Variants in PRKCD observed in about 807,000 individuals in gnomAD.
The protein encoded by PRKCD is protein kinase C delta.
PRKCD carries 20 observed loss-of-function variants against 82.2 expected under a neutral mutation model. That is an observed-to-expected ratio of 0.24 (90% CI 0.17 to 0.35). The LOEUF (loss-of-function observed/expected upper bound fraction) is 0.35. PRKCD is among the 10% of genes least tolerant of loss of function. The probability of loss-of-function intolerance (pLI) is 1.00; values close to 1 mark genes in which losing one functional copy is unlikely to be tolerated. For missense variants in PRKCD, 607 were observed against 899.0 expected, an observed-to-expected ratio of 0.68 and a Z score of 4.15; for synonymous variants, 317 against 337.0, an observed-to-expected ratio of 0.94 and a Z score of 0.65.
At chr3:53,163,380 T>G (rs1216587152) in intron 1 of PRKCD, among the ~76,000 whole-genome samples, 2 of 149,504 alleles carry the variant, frequency 1.3e-5, no homozygotes, top group Non-Finnish European at 3.0e-5. Context: ...AGTGTGGGGG[T>G]GTGTGTGTGA....
At chr3:53,162,008 C>G (rs1474988200) in intron 1 of PRKCD, among the ~76,000 whole-genome samples, 1 of 151,880 alleles carries the variant, frequency 6.6e-6, no homozygotes, top group African/African-American at 2.4e-5. Flanking sequence ...GCCTCGCCTC[C>G]CGCCCCTGGG....
In PRKCD at chr3:53,178,500, C is replaced by T. The variant is rs1703300102; in HGVS notation, c.78C>T (p.Pro26=). Residue 26 remains proline, a synonymous_variant, in exon 3 of 19, where the codon CCC becomes CCT. Coordinates refer to ENST00000330452, the MANE Select transcript of PRKCD (RefSeq NM_006254.4). The part of the protein sequence containing the change: ...SLQAEDEANQ[P]FCAVKMKEAL... Reference sequence around the variant, plus strand: ...AGGCCGAGGACGAGGCGAACCAGCCCTTCTGTGCCGTGAAGATGAAGGAGG... The same window carrying T: ...AGGCCGAGGACGAGGCGAACCAGCCTTTCTGTGCCGTGAAGATGAAGGAGG... 1 of 1,613,196 alleles carries T rather than the reference C, an allele frequency of 6.2e-7. No homozygotes were observed. The highest frequency in any genetic ancestry group is 1.3e-5 in the African/African-American group (1 of 74,934).
Position 53,181,449 on chromosome 3 carries a change from A to C in PRKCD, c.382A>C (p.Lys128Gln), listed in dbSNP as rs1553667483. The change falls in exon 6 of 19, where the codon AAA becomes CAA. Residue 128 changes from lysine to glutamine, a missense_variant. Physicochemically the swap from Lys to Gln is moderately conservative, Grantham distance 53. Transcript: ENST00000330452. ...VQYFLEDVDC[K>Q]QSMRSEDEAK... ...CCCTACTCCATGGTCACCAGATTGC[A>C]AACAGTCTATGCGCAGTGAGGACGA... The C allele has an allele frequency of 6.2e-7, 1 of 1,614,184 alleles. No individual in the cohort carries two copies. The highest frequency in any genetic ancestry group is 1.7e-5 in the Admixed American group (1 of 60,018).
At chr3:53,179,814 G>GTGTC (rs2107257967) in intron 4 of PRKCD, 38 bp downstream of exon 4, 3 of 1,548,536 alleles carry the variant, frequency 1.9e-6, no homozygotes, top group East Asian at 2.4e-5. Context: ...GTGTGTGTGT[G>GTGTC]TGTGTCTGTG....
chr3:53,164,915 A>G (rs1702786338), intron 1 of PRKCD, among the ~76,000 whole-genome samples, 189 bp from the exon 2 acceptor site: 1 of 152,142 alleles, frequency 6.6e-6, no homozygotes, highest in African/African-American at 2.4e-5. Context: ...GAGTGGACAA[A>G]TAGTGGTGCC....
At chr3:53,185,420 G>C (rs1703636223) in intron 10 of PRKCD, among the ~76,000 whole-genome samples, 184 bp from the exon 11 acceptor site, 1 of 152,242 alleles carries the variant, frequency 6.6e-6, no homozygotes, top group Non-Finnish European at 1.5e-5. Flanking sequence ...AGACCACCAA[G>C]GCTTCTCTGG....
intron 15 of PRKCD, 25 bp downstream of exon 15, chr3:53,187,427 C>A (rs1553669511): frequency 1.2e-6 from 2 of 1,611,788 alleles, no homozygotes; most frequent in South Asian, 2.2e-5. Context: ...GCAGCGGGGG[C>A]TCTTGGGAGG....
At chr3:53,166,790 G>A (rs1299303376) in intron 2 of PRKCD, among the ~76,000 whole-genome samples, 1 of 152,254 alleles carries the variant, frequency 6.6e-6, no homozygotes, top group Non-Finnish European at 1.5e-5. Context: ...CTGGTAGGTG[G>A]GCTCTGCCCA....
intron 18 of PRKCD, among the ~76,000 whole-genome samples, chr3:53,190,307 T>C (rs1703881712): frequency 6.6e-6 from 1 of 152,170 alleles, no homozygotes; most frequent in South Asian, 2.1e-4. Flanking sequence ...GAGTCCCTGT[T>C]GAATGCAGAG....
intron 17 of PRKCD, 89 bp from the exon 18 acceptor site, chr3:53,189,784 C>A: frequency 6.4e-7 from 1 of 1,574,470 alleles, no homozygotes; most frequent in Non-Finnish European, 8.7e-7. Flanking sequence ...GCAAGCCTGG[C>A]TTTGCATCCC....
chr3:53,186,412 A>G lies in PRKCD; in HGVS notation c.1260+72A>G. 1.9e-6 allele frequency: 3 copies of G among 1,581,398 alleles called. No homozygotes were observed. In the Admixed American group the frequency reaches 5.1e-5, roughly 27 times the overall value. On this transcript the variant is annotated intron_variant, in intron 13 of 18. Coordinates refer to ENST00000330452, the MANE Select transcript of PRKCD (RefSeq NM_006254.4). ...CACAGCTCCTCAGCCCCCCTCAGTC[A>G]GGGCTGTGTCTCCCCTTCAGGCCAC...
At chr3:53,175,619 C>T (rs1164033959) in intron 2 of PRKCD, among the ~76,000 whole-genome samples, 1 of 152,182 alleles carries the variant, frequency 6.6e-6, no homozygotes, top group Non-Finnish European at 1.5e-5. Flanking sequence ...CCCCTAGGAG[C>T]CCAGGCCACC....
At chr3:53,173,865 T>C (rs1478181284) in intron 2 of PRKCD, among the ~76,000 whole-genome samples, 1 of 152,212 alleles carries the variant, frequency 6.6e-6, no homozygotes, top group Non-Finnish European at 1.5e-5. Context: ...TACCTGTCTC[T>C]TGGAGCCCTT....
rs1553667344 is a variant in PRKCD at position 53,181,106 on chromosome 3, C to T, written c.316-101C>T. On this transcript the variant is annotated intron_variant, in intron 4 of 18. Coordinates refer to ENST00000330452, the MANE Select transcript of PRKCD (RefSeq NM_006254.4). ...GTCTGGCTAGGCCTTGGGGGGCTGC[C>T]TTGGCCTTGGGGGACCAGCCATGGG... The T allele has an allele frequency of 3.0e-6, 4 of 1,335,594 alleles. No homozygotes were observed. In the South Asian group the frequency reaches 4.0e-5, roughly 13 times the overall value. The allele number at this position is 1,335,594 out of a possible 1,614,324, so 82.7% of individuals were successfully genotyped here. A position where few individuals can be genotyped will look rare whatever the true frequency, so the allele number is the denominator to read the frequency against.
In PRKCD at chr3:53,179,748, A is replaced by G. The variant is rs1238886300; in HGVS notation, c.287A>G (p.Lys96Arg). Residue 96 changes from lysine (K) to arginine (R), a missense_variant, in exon 4 of 19, where the codon AAG (lysine) becomes AGG (arginine). By Grantham distance (26) the Lys-to-Arg change is conservative. This residue lies in a region of PRKCD where 161 missense variants were observed against 227.0 expected (regional missense o/e 0.71). Coordinates refer to ENST00000330452, the MANE Select transcript of PRKCD (RefSeq NM_006254.4). Reference protein sequence around the residue: ...VGVSVLAERCKKNNGKAEFWL... With the variant: ...VGVSVLAERCRKNNGKAEFWL... ...GTGTCGGTGCTGGCCGAGCGCTGCA[A>G]GAAGAACAATGGCAAGGCTGAGTTC... 3 of 1,578,198 alleles carry G rather than the reference A, an allele frequency of 1.9e-6. No homozygotes were observed. The highest frequency in any genetic ancestry group is 2.3e-5 in the East Asian group (1 of 42,704).
rs909646757 is a variant in PRKCD at position 53,183,707 on chromosome 3, T to C, written c.787+126T>C. 21 of 1,354,232 alleles carry C rather than the reference T, an allele frequency of 1.6e-5. No individual in the cohort carries two copies. The Admixed American group carries it at 4.4e-4, about 28-fold the overall frequency. 83.9% of individuals were successfully genotyped at this position (1,354,232 alleles called of 1,614,324 possible). The stretch of plus-strand genomic sequence containing the variant: ...ACGGGCACCTCATTCAGGGACCTGA[T>C]GAGGGTGAGGCCTTGGTGGACCCTC... On this transcript the variant is annotated intron_variant, in intron 9 of 18. Transcript: ENST00000330452.
At chr3:53,180,060 T>C (rs1457748971) in intron 4 of PRKCD, among the ~76,000 whole-genome samples, 2 of 152,170 alleles carry the variant, frequency 1.3e-5, no homozygotes, top group Non-Finnish European at 2.9e-5. Context: ...GTTGTTCAAA[T>C]GAAAGGAGCA....
intron 2 of PRKCD, among the ~76,000 whole-genome samples, chr3:53,175,289 G>A (rs1703176303): frequency 6.6e-6 from 1 of 152,174 alleles, no homozygotes; most frequent in South Asian, 2.1e-4. Flanking sequence ...ATGCGGTGGG[G>A]GATGCGAGTG....
In PRKCD at chr3:53,192,662, G is replaced by A. The variant is rs1035368035; in HGVS notation, c.*396G>A. ...CAAAAAAAAAAAAAAAGGAGCACAA[G>A]CTGTTTGAACCACCAGGTTTATTTG... is the stretch of plus-strand genomic sequence containing the variant. On this transcript the variant is annotated 3_prime_UTR_variant, in exon 19 of 19. Coordinates refer to ENST00000330452, the MANE Select transcript of PRKCD (RefSeq NM_006254.4). The A allele has an allele frequency of 1.4e-5, 2 of 143,062 alleles. No individual in the cohort carries two copies. Among genetic ancestry groups the A allele is most frequent in the Non-Finnish European group, 3.0e-5 (2 of 66,316 alleles). 8.9% of individuals were successfully genotyped at this position (143,062 alleles called of 1,614,324 possible). A position where few individuals can be genotyped will look rare whatever the true frequency, so the allele number is the denominator to read the frequency against.
Sources: allele counts gnomAD v4.1 joint callset (sites outside exome capture counted in the v4.1 genomes callset), GRCh38; gene constraint gnomAD v4.1.1; regional missense constraint gnomAD v4.1.1; transcripts MANE v1.5; gene names NCBI Gene and HGNC (gene_info 2026-07-23, HGNC 2026-07-21).